Variants in ZZZ3 observed in about 807,000 individuals in gnomAD.
ZZZ3 encodes zinc finger ZZ-type containing 3, also known as ZZ-type zinc finger-containing protein 3.
A neutral mutation model predicts 95.2 loss-of-function variants in ZZZ3; 22 were observed. The ratio of observed to expected loss-of-function variants is 0.23; its 90% CI spans 0.17 to 0.33. The LOEUF (loss-of-function observed/expected upper bound fraction) is 0.33. Ranked by LOEUF, ZZZ3 falls within the 10% of genes least tolerant of loss-of-function variation. The pLI, the probability that ZZZ3 is intolerant of heterozygous loss-of-function variation, is 1.00. For missense variants in ZZZ3, 885 were observed against 1,066.5 expected (o/e 0.83, Z 2.37); for synonymous variants, 335 against 358.9 (o/e 0.93, Z 0.75).
At chr1:77,582,208 G>T in intron 6 of ZZZ3, 82 bp from the exon 7 acceptor site, 1 of 1,318,782 alleles carries the variant, frequency 7.6e-7, no homozygotes, top group Non-Finnish European at 1.0e-6. Context: ...CAAATTTTCA[G>T]ATGACTCCAA....
intron 5 of ZZZ3, among the ~76,000 whole-genome samples, chr1:77,612,578 T>C (rs969618296): frequency 2.0e-5 from 3 of 152,022 alleles, no homozygotes; most frequent in African/African-American, 7.2e-5. Context: ...ATGTGGTACA[T>C]ATATACACAA....
rs757599059 is a variant in ZZZ3, at chr1:77,566,184, A to G, written c.2467-3T>C. ...GGTTCTATGCCACAGTTATCACACT[A>G]TAACAGATTCAGAGAGAAAATGTAT... On this transcript the variant is annotated splice_region_variant and splice_polypyrimidine_tract_variant and intron_variant, in intron 13 of 14. Coordinates refer to ENST00000370801, the MANE Select transcript of ZZZ3 (RefSeq NM_015534.6). 2.5e-6 allele frequency: 4 copies of G among 1,597,700 alleles called. No homozygotes were observed. The highest frequency in any genetic ancestry group is 1.1e-5 in the South Asian group (1 of 88,876).
At chr1:77,610,401 A>ATACCAATC (rs1665672131) in intron 5 of ZZZ3, among the ~76,000 whole-genome samples, 2 of 152,148 alleles carry the variant, frequency 1.3e-5, no homozygotes, top group Middle Eastern at 3.4e-3. Flanking sequence ...AGACGAACTA[A>ATACCAATC]TACCAATCCT....
At chr1:77,596,244 A>T (rs542114835) in intron 5 of ZZZ3, among the ~76,000 whole-genome samples, 71 of 152,200 alleles carry the variant, frequency 4.7e-4, no homozygotes, top group Middle Eastern at 3.4e-3. Context: ...ACATTAAAAA[A>T]TTTTTCTTCA....
At position 77,581,151 on chromosome 1, in the gene ZZZ3, G is replaced by A. The variant is rs1662480613; in HGVS notation, c.1909-82C>T. ...ATAGCCAAATAACACGCAAATTGTG[G>A]AATTTTTAAATTAATTTCAAAATAT... is the stretch of plus-strand genomic sequence containing the variant. On this transcript the variant is annotated intron_variant, in intron 8 of 14. Transcript: ENST00000370801. The A allele has an allele frequency of 2.8e-6, 3 of 1,080,966 alleles. No individual in the cohort carries two copies. In the Admixed American group the frequency reaches 6.4e-5, roughly 23 times the overall value. 67.0% of individuals were successfully genotyped at this position (1,080,966 alleles called of 1,614,324 possible). A position where few individuals can be genotyped will look rare whatever the true frequency, so the allele number is the denominator to read the frequency against.
intron 5 of ZZZ3, among the ~76,000 whole-genome samples, chr1:77,624,337 G>C (rs980403920): frequency 6.6e-6 from 1 of 152,150 alleles, no homozygotes; most frequent in African/African-American, 2.4e-5. Flanking sequence ...TCTGGGTGGA[G>C]TCCTGGGTGG....
intron 5 of ZZZ3, among the ~76,000 whole-genome samples, chr1:77,630,004 GA>G (rs141728645): frequency 0.023 from 3,566 of 152,162 alleles, 104 homozygotes; most frequent in African/African-American, 0.082. Context: ...ATACTGTAGT[GA>G]ATTACTAGAA....
At chr1:77,595,955 C>T (rs1237900492) in intron 5 of ZZZ3, among the ~76,000 whole-genome samples, 2 of 151,970 alleles carry the variant, frequency 1.3e-5, no homozygotes, top group Non-Finnish European at 2.9e-5. Flanking sequence ...GAGAACAGAC[C>T]TATTTCAAGT....
intron 1 of ZZZ3, among the ~76,000 whole-genome samples, chr1:77,674,597 ATACTT>A (rs1672087219): frequency 6.6e-6 from 1 of 152,192 alleles, no homozygotes; most frequent in African/African-American, 2.4e-5. Context: ...TGTGTGTATT[ATACTT>A]TAATTGTATT....
chr1:77,610,432 T>C lies in ZZZ3; in HGVS notation c.1505+21418A>G, dbSNP rs139527194. Among the ~76,000 whole-genome samples, 641 of 151,794 alleles carry C rather than the reference T, an allele frequency of 4.2e-3. 7 individuals are homozygous for C. Among genetic ancestry groups the C allele is most frequent in the African/African-American group, 0.015 (602 of 41,414 alleles). On this transcript the variant is annotated intron_variant, in intron 5 of 14. Coordinates refer to ENST00000370801, the MANE Select transcript of ZZZ3 (RefSeq NM_015534.6). ...ATCCTACTCAAACTATACCAAAAAATAGAGGAGGAGGGAATACTTCTAAAT... is the reference window on the plus strand; with the variant it reads ...ATCCTACTCAAACTATACCAAAAAACAGAGGAGGAGGGAATACTTCTAAAT...
intron 1 of ZZZ3, among the ~76,000 whole-genome samples, chr1:77,659,079 G>A (rs1045059065): frequency 9.2e-5 from 14 of 151,922 alleles, no homozygotes; most frequent in African/African-American, 2.9e-4. Flanking sequence ...TTAGCCGGGC[G>A]TAGTGGCACA....
chr1:77,627,880 T>C (rs949956003), intron 5 of ZZZ3, among the ~76,000 whole-genome samples: 2 of 152,220 alleles, frequency 1.3e-5, no homozygotes, highest in African/African-American at 4.8e-5. Flanking sequence ...CCAAAGATCC[T>C]TAAATGAAGA....
chr1:77,655,452 A>G (rs1050317931), intron 1 of ZZZ3, among the ~76,000 whole-genome samples: 2 of 152,216 alleles, frequency 1.3e-5, no homozygotes, highest in Admixed American at 6.5e-5. Context: ...GTGAAGACAC[A>G]GTGAGAAGAT....
intron 4 of ZZZ3, among the ~76,000 whole-genome samples, chr1:77,638,281 T>C (rs574675755): frequency 2.0e-5 from 3 of 152,298 alleles, no homozygotes; most frequent in South Asian, 4.1e-4. Context: ...CCTACCCACA[T>C]ATTTGCTGCT....
At chr1:77,565,892 A>T (rs984964638) in intron 14 of ZZZ3, 108 bp from the exon 15 acceptor site, 1 of 1,272,462 alleles carries the variant, frequency 7.9e-7, no homozygotes, top group Non-Finnish European at 1.1e-6. Flanking sequence ...TTAATCTATC[A>T]AAATCTCCAA....
chr1:77,592,419 C>T lies in ZZZ3; in HGVS notation c.1506-7764G>A, dbSNP rs188528342. 6.8e-3 allele frequency among the ~76,000 whole-genome samples: 1,028 copies of T among 152,284 alleles called. 11 individuals are homozygous for T. Among genetic ancestry groups the T allele is most frequent in the African/African-American group, 0.023 (973 of 41,554 alleles). On this transcript the variant is annotated intron_variant, in intron 5 of 14. Coordinates refer to ENST00000370801, the MANE Select transcript of ZZZ3 (RefSeq NM_015534.6). ...CCGGGTTCAAGTGATTCTCCTGCCT[C>T]AGCCTCTGAGTAGCTGGGATTACAG...
intron 1 of ZZZ3, among the ~76,000 whole-genome samples, chr1:77,653,739 T>TTGAAA (rs1342583587): frequency 4.0e-5 from 6 of 150,286 alleles, no homozygotes; most frequent in African/African-American, 1.5e-4. Flanking sequence ...GGGAACAAGA[T>TTGAAA]TGAAACTCTG....
At chr1:77,591,334 C>G (rs923897297) in intron 5 of ZZZ3, among the ~76,000 whole-genome samples, 1 of 152,114 alleles carries the variant, frequency 6.6e-6, no homozygotes, top group African/African-American at 2.4e-5. Flanking sequence ...CCCTCCCTCT[C>G]TCCTTCTCCC....
intron 5 of ZZZ3, among the ~76,000 whole-genome samples, chr1:77,614,144 A>G (rs560126434): frequency 2.0e-5 from 3 of 152,346 alleles, no homozygotes; most frequent in African/African-American, 7.2e-5. Context: ...ACATATGCAG[A>G]TTGCTATCAA....
Sources: allele counts gnomAD v4.1 joint callset (sites outside exome capture counted in the v4.1 genomes callset), GRCh38; gene constraint gnomAD v4.1.1; transcripts MANE v1.5; gene names NCBI Gene and HGNC (gene_info 2026-07-23, HGNC 2026-07-21).